DAD1: variants seen among roughly 807,000 people sequenced by gnomAD.
DAD1 encodes dolichyl-diphosphooligosaccharide--protein glycosyltransferase subunit DAD1.
A neutral mutation model predicts 9.0 loss-of-function variants in DAD1; 4 were observed. That is an observed-to-expected ratio of 0.44 (90% CI 0.22 to 1.01). DAD1 has a LOEUF of 1.01. Ranked by LOEUF, DAD1 falls within the 50% of genes least tolerant of loss-of-function variation. DAD1 has a pLI of 0.24. For synonymous variants in DAD1, 60 were observed against 62.5 expected (o/e 0.96, Z 0.19); for missense variants, 119 against 137.3 (o/e 0.87, Z 0.67).
chr14:22,588,051 T>C (rs916005262), intron 1 of DAD1, among the ~76,000 whole-genome samples: 4 of 152,350 alleles, frequency 2.6e-5, no homozygotes, highest in African/African-American at 9.6e-5. Context: ...ACAATTCCAA[T>C]GCTGTATTTT....
At chr14:22,587,807 C>T (rs2037164451) in intron 1 of DAD1, among the ~76,000 whole-genome samples, 3 of 151,020 alleles carry the variant, frequency 2.0e-5, no homozygotes, top group Admixed American at 2.0e-4. Context: ...GGCACGATCT[C>T]GGCTCACTAC....
At chr14:22,573,375 G>A (rs983473503) in intron 2 of DAD1, among the ~76,000 whole-genome samples, 1 of 152,074 alleles carries the variant, frequency 6.6e-6, no homozygotes, top group African/African-American at 2.4e-5. Flanking sequence ...GAGGGAGGAA[G>A]GGAGGAAGAG....
intron 2 of DAD1, among the ~76,000 whole-genome samples, chr14:22,566,289 T>C (rs1352536654): frequency 4.6e-5 from 7 of 151,070 alleles, no homozygotes; most frequent in Non-Finnish European, 8.8e-5. Flanking sequence ...ATCAAATTTC[T>C]TAAAGCAAAC....
chr14:22,586,507 C>T (rs895578912), intron 1 of DAD1, among the ~76,000 whole-genome samples: 1 of 152,160 alleles, frequency 6.6e-6, no homozygotes, highest in Non-Finnish European at 1.5e-5. Flanking sequence ...ATCGCCATTG[C>T]ACTCCAGCCT....
At chr14:22,572,148 G>C (rs1261983675) in intron 2 of DAD1, among the ~76,000 whole-genome samples, 1 of 151,986 alleles carries the variant, frequency 6.6e-6, no homozygotes. Flanking sequence ...CTCTTTCAGA[G>C]TAGGTTAGAG....
At chr14:22,581,832 G>C (rs1455654120) in intron 1 of DAD1, among the ~76,000 whole-genome samples, 2 of 151,804 alleles carry the variant, frequency 1.3e-5, no homozygotes, top group South Asian at 4.2e-4. Flanking sequence ...AAATCCTGAG[G>C]GGCATGGTAA....
chr14:22,569,417 A>G (rs147338751), intron 2 of DAD1, among the ~76,000 whole-genome samples: 4,378 of 150,008 alleles, frequency 0.029, 92 homozygotes, highest in Middle Eastern at 0.087. Flanking sequence ...TGGACAACAA[A>G]GCGAGACTCC....
intron 1 of DAD1, among the ~76,000 whole-genome samples, chr14:22,578,455 A>G (rs938148210): frequency 5.9e-5 from 9 of 151,958 alleles, no homozygotes; most frequent in African/African-American, 1.9e-4. Context: ...AATCCCAGCT[A>G]CTCAGGAGGC....
chr14:22,573,572 T>C (rs1471498153), intron 2 of DAD1, among the ~76,000 whole-genome samples: 1 of 151,246 alleles, frequency 6.6e-6, no homozygotes, highest in Non-Finnish European at 1.5e-5. Context: ...TAGCCGGGCG[T>C]GGTGGCGGGC....
intron 1 of DAD1, 87 bp downstream of exon 1, chr14:22,588,860 G>C (rs1224466642): frequency 7.6e-7 from 1 of 1,310,768 alleles, no homozygotes; most frequent in Non-Finnish European, 1.1e-6. Context: ...ACTTCAAGGG[G>C]CGGTGGTCTG....
intron 1 of DAD1, among the ~76,000 whole-genome samples, chr14:22,579,340 A>G (rs5742763): frequency 0.021 from 3,202 of 152,320 alleles, 120 homozygotes; most frequent in African/African-American, 0.073. Context: ...TCATCCCATC[A>G]TTAACTAAGA....
At chr14:22,568,232 C>G (rs2037014128) in intron 2 of DAD1, among the ~76,000 whole-genome samples, 1 of 152,178 alleles carries the variant, frequency 6.6e-6, no homozygotes, top group Admixed American at 6.5e-5. Context: ...GTCTCCACAT[C>G]ACTGGGTAGG....
intron 1 of DAD1, among the ~76,000 whole-genome samples, chr14:22,577,318 C>T (rs1328776558): frequency 4.6e-5 from 7 of 152,248 alleles, no homozygotes; most frequent in Non-Finnish European, 1.5e-5. Context: ...CCTGTAATCC[C>T]AGCTACTAGG....
intron 2 of DAD1, among the ~76,000 whole-genome samples, chr14:22,571,077 A>T (rs2037035777): frequency 6.6e-6 from 1 of 150,608 alleles, no homozygotes. Flanking sequence ...TAATCCCAGC[A>T]CTTTGGGAGG....
intron 2 of DAD1, among the ~76,000 whole-genome samples, chr14:22,565,582 G>C (rs1022727706): frequency 3.3e-5 from 5 of 152,088 alleles, no homozygotes; most frequent in African/African-American, 1.2e-4. Flanking sequence ...AAGGATTCAA[G>C]AAAGAAAGAA....
rs775053231 is a variant in DAD1, at chr14:22,588,900, A to G, written c.211+47T>C. 1.9e-6 allele frequency: 3 copies of G among 1,590,940 alleles called. No homozygotes were observed. In the Admixed American group the frequency reaches 5.2e-5, roughly 27 times the overall value. On this transcript the variant is annotated intron_variant, in intron 1 of 2. Transcript: ENST00000250498. Reference sequence around the variant, plus strand: ...AGAGTACTATGAAAACAAAAGCAGCACACCAAAGTAACACATTATTATTAT... The same window carrying G: ...AGAGTACTATGAAAACAAAAGCAGCGCACCAAAGTAACACATTATTATTAT...
At position 22,575,050 on chromosome 14, in the gene DAD1, A is replaced by G. The variant is rs895941094; in HGVS notation, c.*44+9T>C. On this transcript the variant is annotated intron_variant, in intron 2 of 2. Coordinates refer to ENST00000250498, the MANE Select transcript of DAD1 (RefSeq NM_001344.4). ...ACATTATAGGACAAGGACTATGATC[A>G]TCACTTACATTCTTTTAGTCTCCTA... The G allele has an allele frequency of 4.4e-6, 7 of 1,597,678 alleles. No individual in the cohort carries two copies. The highest frequency in any genetic ancestry group is 6.0e-6 in the Non-Finnish European group (7 of 1,168,506).
intron 1 of DAD1, among the ~76,000 whole-genome samples, chr14:22,581,860 G>A (rs1274013740): frequency 2.6e-5 from 4 of 151,908 alleles, no homozygotes; most frequent in Non-Finnish European, 2.9e-5. Context: ...AAAACAGTAC[G>A]GATTCAGTTA....
chr14:22,576,846 G>T (rs2037080692), intron 1 of DAD1, among the ~76,000 whole-genome samples: 1 of 152,110 alleles, frequency 6.6e-6, no homozygotes, highest in African/African-American at 2.4e-5. Flanking sequence ...GAAGATATAG[G>T]AATGGCCAAC....
Sources: allele counts gnomAD v4.1 joint callset (sites outside exome capture counted in the v4.1 genomes callset), GRCh38; gene constraint gnomAD v4.1.1; transcripts MANE v1.5; gene names NCBI Gene and HGNC (gene_info 2026-07-23, HGNC 2026-07-21).